COL25A1: variants seen among roughly 807,000 people sequenced by gnomAD.
COL25A1 encodes collagen type XXV alpha 1 chain, also known as collagen alpha-1(XXV) chain.
Under a neutral mutation model 128.4 loss-of-function variants are expected in COL25A1, and 103 were observed. That is an observed-to-expected ratio of 0.80 (90% CI 0.68 to 0.94). The LOEUF is 0.94. Among genes scored for constraint, COL25A1 ranks in the 40% least tolerant of loss-of-function variants. The pLI is 0.00. For missense variants in COL25A1, 745 were observed against 840.0 expected, an observed-to-expected ratio of 0.89 and a Z score of 1.40; for synonymous variants, 279 against 277.2, an observed-to-expected ratio of 1.01 and a Z score of -0.06.
intron 8 of COL25A1, among the ~76,000 whole-genome samples, chr4:108,946,449 C>T (rs550197771): frequency 6.6e-6 from 1 of 152,260 alleles, no homozygotes; most frequent in Non-Finnish European, 1.5e-5. Context: ...TGTCATTACG[C>T]AATTTATGTG....
At position 108,824,208 on chromosome 4, in the gene COL25A1, C is replaced by G; in HGVS notation, c.1811G>C (p.Gly604Ala). 6.2e-7 allele frequency: 1 copy of G among 1,613,542 alleles called. No homozygotes were observed. ...PGLDGFPGPRGEKGDLGEKGE... is the reference protein window; with the variant it reads ...PGLDGFPGPRAEKGDLGEKGE... Reference sequence around the variant, plus strand: ...CTTTTCTCCTAGATCACCCTTCTCACCCCGTGGACCAGGGAAGCCCTGTAA... The same window carrying G: ...CTTTTCTCCTAGATCACCCTTCTCAGCCCGTGGACCAGGGAAGCCCTGTAA... Residue 604 changes from glycine to alanine, a missense_variant, in exon 35 of 38, where the codon GGT (glycine) becomes GCT (alanine). Gly to Ala is a moderately conservative substitution (Grantham distance 60, BLOSUM62 0). Around this residue, in one of 3 missense-constraint regions of COL25A1, gnomAD observed 387 missense variants for 441.9 expected, o/e 0.88. Coordinates refer to ENST00000399132, the MANE Select transcript of COL25A1 (RefSeq NM_198721.4).
intron 3 of COL25A1, among the ~76,000 whole-genome samples, chr4:109,229,975 C>T (rs565926841): frequency 6.6e-6 from 1 of 152,252 alleles, no homozygotes; most frequent in South Asian, 2.1e-4. Context: ...GAAGGTGAAG[C>T]AGAAGCAGGA....
intron 31 of COL25A1, among the ~76,000 whole-genome samples, chr4:108,837,767 G>A (rs1248322093): frequency 6.6e-6 from 1 of 152,192 alleles, no homozygotes; most frequent in Admixed American, 6.5e-5. Context: ...ATTATAAAAA[G>A]TGTTTGGGAG....
intron 8 of COL25A1, among the ~76,000 whole-genome samples, chr4:108,941,703 C>A (rs895286317): frequency 6.6e-6 from 1 of 152,044 alleles, no homozygotes; most frequent in South Asian, 2.1e-4. Flanking sequence ...GATGTTGGAC[C>A]TTTTTAATGT....
At chr4:108,942,852 G>T (rs186297243) in intron 8 of COL25A1, among the ~76,000 whole-genome samples, 125 of 148,062 alleles carry the variant, frequency 8.4e-4, no homozygotes, top group Middle Eastern at 7.4e-3. Flanking sequence ...TGCCTCCAGG[G>T]TTCAAGTGAT....
At chr4:108,879,936 C>T (rs1234895026) in intron 19 of COL25A1, among the ~76,000 whole-genome samples, 3 of 151,936 alleles carry the variant, frequency 2.0e-5, no homozygotes, top group Non-Finnish European at 4.4e-5. Flanking sequence ...AGCCTCCCCA[C>T]TAGCTGGGAC....
intron 3 of COL25A1, among the ~76,000 whole-genome samples, chr4:109,204,187 T>A (rs1465486501): frequency 6.6e-6 from 1 of 152,164 alleles, no homozygotes; most frequent in African/African-American, 2.4e-5. Context: ...CACTCTTTTA[T>A]CATAATCATC....
chr4:108,869,285 C>T (rs1370776473), intron 19 of COL25A1, 135 bp from the exon 20 acceptor site: 8 of 536,754 alleles, frequency 1.5e-5, no homozygotes, highest in African/African-American at 6.2e-5. Flanking sequence ...GCTTTCTTGC[C>T]GAGATCCAGC....
chr4:108,841,824 TC>T, intron 30 of COL25A1, 103 bp from the exon 31 acceptor site: 1 of 963,014 alleles, frequency 1.0e-6, no homozygotes, highest in Non-Finnish European at 1.6e-6. Flanking sequence ...ACAAGCATCT[TC>T]TTGTTTGAGC....
intron 3 of COL25A1, among the ~76,000 whole-genome samples, chr4:109,283,388 C>A (rs542825404): frequency 6.6e-6 from 1 of 152,014 alleles, no homozygotes. Flanking sequence ...CTGGGACTAC[C>A]GGCATGTGCC....
intron 6 of COL25A1, among the ~76,000 whole-genome samples, chr4:109,002,637 A>T (rs1167539274): frequency 6.6e-6 from 1 of 152,212 alleles, no homozygotes; most frequent in Non-Finnish European, 1.5e-5. Flanking sequence ...TGGGTGGTGA[A>T]AAATACGTTA....
intron 3 of COL25A1, among the ~76,000 whole-genome samples, chr4:109,200,219 C>T (rs1225324127): frequency 6.6e-6 from 1 of 152,196 alleles, no homozygotes; most frequent in East Asian, 1.9e-4. Context: ...CAGATGTGCT[C>T]AAGCCTCACT....
At chr4:109,128,378 T>C (rs369773272) in intron 3 of COL25A1, among the ~76,000 whole-genome samples, 44 of 152,340 alleles carry the variant, frequency 2.9e-4, no homozygotes, top group African/African-American at 1.0e-3. Flanking sequence ...CTCAAATTTT[T>C]AGACAAAGCT....
At chr4:109,166,373 T>C (rs1013373189) in intron 3 of COL25A1, among the ~76,000 whole-genome samples, 9 of 152,222 alleles carry the variant, frequency 5.9e-5, no homozygotes, top group Non-Finnish European at 1.3e-4. Context: ...CAATCTATTA[T>C]TCTGTCACTT....
intron 11 of COL25A1, among the ~76,000 whole-genome samples, chr4:108,936,378 C>T (rs1747405220): frequency 6.6e-6 from 1 of 152,066 alleles, no homozygotes; most frequent in African/African-American, 2.4e-5. Flanking sequence ...ACCATCCTGG[C>T]CAACATGGTG....
intron 3 of COL25A1, among the ~76,000 whole-genome samples, chr4:109,254,480 TATATATATATATA>T: frequency 3.1e-5 from 3 of 95,378 alleles, no homozygotes; most frequent in African/African-American, 2.1e-4. Context: ...TATATATATA[TATATATATATATA>T]TATATATATA....
At chr4:108,846,518 A>G (rs1372364233) in intron 27 of COL25A1, among the ~76,000 whole-genome samples, 1 of 152,204 alleles carries the variant, frequency 6.6e-6, no homozygotes, top group Admixed American at 6.5e-5. Context: ...AGCTAATTCT[A>G]TCTCACCAGA....
chr4:109,061,694 C>T (rs1398122214), intron 3 of COL25A1, among the ~76,000 whole-genome samples: 1 of 152,166 alleles, frequency 6.6e-6, no homozygotes, highest in East Asian at 1.9e-4. Flanking sequence ...AAGACACTTG[C>T]AATCGCCTAG....
intron 3 of COL25A1, among the ~76,000 whole-genome samples, chr4:109,190,608 G>T (rs1775527780): frequency 6.6e-6 from 1 of 152,166 alleles, no homozygotes; most frequent in South Asian, 2.1e-4. Flanking sequence ...GAGAAAGTAT[G>T]AATGGATATA....
Sources: gnomAD v4.1 joint callset for allele counts (sites outside exome capture counted in the v4.1 genomes callset) on GRCh38, gnomAD v4.1.1 for gene constraint, gnomAD v4.1.1 regional missense constraint, MANE v1.5 for transcripts, NCBI Gene and HGNC (gene_info 2026-07-23, HGNC 2026-07-21) for gene names.